The following CCSER1 variants were observed in gnomAD, a reference collection of about 807,000 sequenced individuals.
CCSER1 encodes coiled-coil serine rich protein 1, also known as serine-rich coiled-coil domain-containing protein 1.
Under a neutral mutation model 82.0 loss-of-function variants are expected in CCSER1, and 41 were observed. The observed-to-expected ratio is 0.50, with a 90% CI of 0.39 to 0.65. CCSER1 has a LOEUF of 0.65. Ranked by LOEUF, CCSER1 falls within the 30% of genes least tolerant of loss-of-function variation. CCSER1 has a pLI of 0.00. For missense variants in CCSER1, 1,119 were observed against 1,064.2 expected (o/e 1.05, Z -0.72); for synonymous variants, 414 against 383.9 (o/e 1.08, Z -0.92).
chr4:90,169,493 G>T (rs1220645170), intron 1 of CCSER1, among the ~76,000 whole-genome samples: 2 of 151,936 alleles, frequency 1.3e-5, no homozygotes, highest in Non-Finnish European at 2.9e-5. Context: ...AATTGCCCTG[G>T]CCAGAACTTC....
In CCSER1 at chr4:90,628,336, G is replaced by A. The variant is rs533611762; in HGVS notation, c.1932+104G>A. The stretch of plus-strand genomic sequence containing the variant: ...GTCAGTAATTAACTACATGACATTG[G>A]GCAGGGGTCAGGTTTCCTCTTGGAG... On this transcript the variant is annotated intron_variant, in intron 6 of 10. Transcript: ENST00000509176. The A allele has an allele frequency of 8.3e-6, 7 of 840,380 alleles. No individual in the cohort carries two copies. In the East Asian group the frequency reaches 1.8e-4, roughly 22 times the overall value. The allele number at this position is 840,380 out of a possible 1,614,324, so 52.1% of individuals were successfully genotyped here.
At chr4:90,912,495 C>G (rs1475135372) in intron 8 of CCSER1, among the ~76,000 whole-genome samples, 1 of 152,080 alleles carries the variant, frequency 6.6e-6, no homozygotes. Flanking sequence ...TATACGTCAC[C>G]ATCATCAAAG....
intron 1 of CCSER1, among the ~76,000 whole-genome samples, chr4:90,242,335 C>T (rs1430049990): frequency 1.3e-5 from 2 of 151,902 alleles, no homozygotes; most frequent in East Asian, 1.9e-4. Context: ...AAGAACAAAG[C>T]ATAAATGTAG....
intron 9 of CCSER1, among the ~76,000 whole-genome samples, chr4:90,931,320 A>T (rs944804351): frequency 1.3e-5 from 2 of 151,994 alleles, no homozygotes; most frequent in African/African-American, 4.8e-5. Flanking sequence ...ATCATCTCTT[A>T]CATTAACACA....
chr4:90,481,056 A>G (rs1765872464), intron 5 of CCSER1, among the ~76,000 whole-genome samples: 1 of 152,086 alleles, frequency 6.6e-6, no homozygotes, highest in South Asian at 2.1e-4. Flanking sequence ...TATTTCCTTG[A>G]GCAGTGGTTT....
intron 6 of CCSER1, among the ~76,000 whole-genome samples, chr4:90,672,923 TG>T: frequency 6.6e-6 from 1 of 152,138 alleles, no homozygotes; most frequent in Non-Finnish European, 1.5e-5. Context: ...TGCCATTTTA[TG>T]TGGCTGTGGT....
chr4:90,131,084 G>A (rs1287399719), intron 1 of CCSER1, among the ~76,000 whole-genome samples: 11 of 152,138 alleles, frequency 7.2e-5, no homozygotes, highest in African/African-American at 2.4e-4. Flanking sequence ...TGCAACCTCC[G>A]CCTCCTGGGT....
At chr4:90,736,068 A>G (rs1354838217) in intron 7 of CCSER1, among the ~76,000 whole-genome samples, 1 of 152,152 alleles carries the variant, frequency 6.6e-6, no homozygotes, top group Non-Finnish European at 1.5e-5. Flanking sequence ...GTCAAAGAAG[A>G]TAATTGATAT....
Position 91,293,046 on chromosome 4 carries a change from A to G in CCSER1, c.2217+207052A>G, listed in dbSNP as rs1358705674. 2.0e-5 allele frequency among the ~76,000 whole-genome samples: 3 copies of G among 152,118 alleles called. No individual in the cohort carries two copies. The South Asian group carries it at 6.2e-4, about 32-fold the overall frequency. ...TGAATTTTAGACATCTTTCACATGA[A>G]CTTGTTTAGATAAGCCTGTCTATAA... On this transcript the variant is annotated intron_variant, in intron 10 of 10. Transcript: ENST00000509176.
At chr4:90,930,362 G>C (rs1729581246) in intron 9 of CCSER1, among the ~76,000 whole-genome samples, 1 of 152,044 alleles carries the variant, frequency 6.6e-6, no homozygotes, top group Admixed American at 6.6e-5. Context: ...AGCACTTTGG[G>C]AGGCTGAGGC....
At chr4:91,356,821 G>A (rs1014053348) in intron 10 of CCSER1, among the ~76,000 whole-genome samples, 1 of 152,110 alleles carries the variant, frequency 6.6e-6, no homozygotes, top group Non-Finnish European at 1.5e-5. Context: ...GATGGCCCTC[G>A]GGGATGACCT....
At chr4:90,393,965 GA>G (rs1751593703) in intron 3 of CCSER1, among the ~76,000 whole-genome samples, 1 of 151,456 alleles carries the variant, frequency 6.6e-6, no homozygotes, top group African/African-American at 2.4e-5. Context: ...AAATTGCAGA[GA>G]GGGGGGTCTC....
At chr4:91,089,493 C>G (rs551561903) in intron 10 of CCSER1, among the ~76,000 whole-genome samples, 25 of 152,284 alleles carry the variant, frequency 1.6e-4, no homozygotes, top group African/African-American at 5.8e-4. Flanking sequence ...TCTTTCATTT[C>G]CCACCTTTGA....
At chr4:91,455,240 C>T (rs1472977528) in intron 10 of CCSER1, among the ~76,000 whole-genome samples, 1 of 151,932 alleles carries the variant, frequency 6.6e-6, no homozygotes, top group Non-Finnish European at 1.5e-5. Context: ...ATTAGGTGTC[C>T]CCTCATTCTG....
intron 5 of CCSER1, among the ~76,000 whole-genome samples, chr4:90,598,059 G>A (rs547352913): frequency 6.3e-4 from 96 of 151,962 alleles, no homozygotes; most frequent in Non-Finnish European, 1.1e-3. Flanking sequence ...CACTTAGGTT[G>A]TTTCCATATC....
chr4:91,320,613 C>CTGGT (rs1227310685), intron 10 of CCSER1, among the ~76,000 whole-genome samples: 4 of 151,982 alleles, frequency 2.6e-5, no homozygotes, highest in Admixed American at 1.3e-4. Flanking sequence ...GTTGAGAAGA[C>CTGGT]TGGTTTTTGT....
At chr4:90,606,579 C>G (rs1009128432) in intron 5 of CCSER1, among the ~76,000 whole-genome samples, 1 of 152,154 alleles carries the variant, frequency 6.6e-6, no homozygotes, top group African/African-American at 2.4e-5. Context: ...TTCATTGTTA[C>G]TGATTTTGAT....
At chr4:91,442,331 A>G (rs1282162505) in intron 10 of CCSER1, among the ~76,000 whole-genome samples, 3 of 152,286 alleles carry the variant, frequency 2.0e-5, no homozygotes, top group South Asian at 4.1e-4. Flanking sequence ...ATCTACCACC[A>G]TCTGATCTTT....
chr4:91,460,249 T>C (rs1425903860), intron 10 of CCSER1, among the ~76,000 whole-genome samples: 3 of 152,142 alleles, frequency 2.0e-5, no homozygotes, highest in African/African-American at 7.2e-5. Flanking sequence ...TTCGTAGGGA[T>C]GGGTTAGGGT....
Sources: gnomAD v4.1 joint callset for allele counts (sites outside exome capture counted in the v4.1 genomes callset) on GRCh38, gnomAD v4.1.1 for gene constraint, MANE v1.5 for transcripts, NCBI Gene and HGNC (gene_info 2026-07-23, HGNC 2026-07-21) for gene names.